Variants in SMUG1 observed in about 807,000 individuals in gnomAD.
SMUG1 encodes the protein single-strand-selective monofunctional uracil-DNA glycosylase 1.
A neutral mutation model predicts 23.9 loss-of-function variants in SMUG1; 13 were observed. That is an observed-to-expected ratio of 0.54 (90% CI 0.35 to 0.86). The LOEUF is 0.86. Ranked by LOEUF, SMUG1 falls within the 40% of genes least tolerant of loss-of-function variation. The pLI is 0.01. For missense variants in SMUG1, 313 were observed against 339.5 expected, an observed-to-expected ratio of 0.92 and a Z score of 0.61; for synonymous variants, 133 against 139.8, an observed-to-expected ratio of 0.95 and a Z score of 0.34.
chr12:54,182,235 A>T lies in SMUG1; in HGVS notation c.674T>A (p.Leu225Gln), dbSNP rs1477719330. 2 of 1,612,116 alleles carry T rather than the reference A, an allele frequency of 1.2e-6. No homozygotes were observed. The highest frequency in any genetic ancestry group is 1.7e-5 in the Admixed American group (1 of 59,884). The stretch of plus-strand genomic sequence containing the variant: ...CTGGACCTCTGGCATCAGGCCTGCC[A>T]GAGCCCGTCGTGCCCGCTGCTCTGC... ...RLAEQRARRA[L>Q]AGLMPEVQVE... The change falls in exon 4 of 4, where the codon CTG becomes CAG. Residue 225 changes from leucine (L) to glutamine (Q), a missense_variant. Coordinates refer to ENST00000682136, the MANE Select transcript of SMUG1 (RefSeq NM_001243787.2).
intron 3 of SMUG1, among the ~76,000 whole-genome samples, chr12:54,167,428 A>C (rs527362180): frequency 2.9e-4 from 44 of 152,276 alleles, no homozygotes; most frequent in Non-Finnish European, 5.1e-4. Context: ...CCACTCTTTC[A>C]ATTTCAAAGC....
chr12:54,175,570 G>A (rs536689003), downstream of SMUG1, among the ~76,000 whole-genome samples: 78 of 152,262 alleles, frequency 5.1e-4, no homozygotes, highest in Non-Finnish European at 8.4e-4. Context: ...CCCAGTCTCC[G>A]CCCTCTCTCA....
In SMUG1 at chr12:54,185,505, T is replaced by A. The variant is rs373167024; in HGVS notation, c.-19-1546A>T. Among the ~76,000 whole-genome samples the A allele has an allele frequency of 7.0e-3, 308 of 43,796 alleles. 94 individuals are homozygous for A. Among genetic ancestry groups the A allele is most frequent in the East Asian group, 0.034 (56 of 1,626 alleles). 28.7% of individuals were successfully genotyped at this position (43,796 alleles called of 152,430 possible). A position where few individuals can be genotyped will look rare whatever the true frequency, so the allele number is the denominator to read the frequency against. ...AATAAAAAATAAATAAATAAATAAA[T>A]AAATAAATAAATAAATAAATAAATT... is the stretch of plus-strand genomic sequence containing the variant. On this transcript the variant is annotated intron_variant, in intron 2 of 3. Coordinates refer to ENST00000682136, the MANE Select transcript of SMUG1 (RefSeq NM_001243787.2).
At position 54,168,987 on chromosome 12, in the gene SMUG1, G is replaced by A. The variant is rs143533200; in HGVS notation, c.*52+3038C>T. ...TCAGAAGCATACTCAACCATGCTCA[G>A]CTCACTGACTTCCTCTAGGCTAGCA... On this transcript the variant is annotated intron_variant and NMD_transcript_variant, in intron 3 of 4. Transcript: ENST00000509864. Among the ~76,000 whole-genome samples, 572 of 152,286 alleles carry A rather than the reference G, an allele frequency of 3.8e-3. 3 individuals carry two copies. Among genetic ancestry groups the A allele is most frequent in the Middle Eastern group, 0.014 (4 of 294 alleles).
intron 2 of SMUG1, among the ~76,000 whole-genome samples, chr12:54,173,626 T>C (rs1940682071): frequency 6.6e-6 from 1 of 152,202 alleles, no homozygotes; most frequent in Non-Finnish European, 1.5e-5. Context: ...TTAAATGTTA[T>C]TTAATTGGAT....
At chr12:54,184,060 G>A (rs934705991) in intron 2 of SMUG1, 101 bp from the exon 3 acceptor site, 10 of 1,012,376 alleles carry the variant, frequency 9.9e-6, no homozygotes, top group Middle Eastern at 3.2e-4. Flanking sequence ...GGGCTCAGAA[G>A]GGACCCTAAG....
chr12:54,172,125 G>A, intron 2 of SMUG1: 2 of 453,366 alleles, frequency 4.4e-6, no homozygotes, highest in South Asian at 1.6e-5. Flanking sequence ...AAAAGACAAG[G>A]CAGATCATGT....
At chr12:54,185,508 ATAAATAAATAAATAAAT>A (rs551999707) in intron 2 of SMUG1, among the ~76,000 whole-genome samples, 5,906 of 94,144 alleles carry the variant, frequency 0.063, 1,729 homozygotes, top group Non-Finnish European at 0.095. Context: ...AAATAAATAA[ATAAATAAATAAATAAAT>A]AAATTTGCCG....
intron 3 of SMUG1, chr12:54,183,058 T>C (rs1202973745): frequency 4.7e-5 from 9 of 191,928 alleles, no homozygotes; most frequent in African/African-American, 1.2e-4. Context: ...TCGATCATCA[T>C]TGATCACCTT....
rs568811737 is a variant in SMUG1 at position 54,180,484 on chromosome 12, T to C, written c.*1612A>G. On this transcript the variant is annotated 3_prime_UTR_variant, in exon 4 of 4. Coordinates refer to ENST00000682136, the MANE Select transcript of SMUG1 (RefSeq NM_001243787.2). ...GTCCCAGGAGATAGGAAGTAGACCA[T>C]GTGTTCCTCATTAAGGTGGTCTCAA... The C allele has an allele frequency of 5.3e-5, 8 of 152,308 alleles. No homozygotes were observed. The highest frequency in any genetic ancestry group is 1.9e-4 in the African/African-American group (8 of 41,566). 9.4% of individuals were successfully genotyped at this position (152,308 alleles called of 1,614,324 possible). A position where few individuals can be genotyped will look rare whatever the true frequency, so the allele number is the denominator to read the frequency against.
chr12:54,185,815 AAAAC>A (rs777916749), intron 2 of SMUG1, among the ~76,000 whole-genome samples: 6 of 152,074 alleles, frequency 3.9e-5, no homozygotes, highest in Non-Finnish European at 7.4e-5. Flanking sequence ...AGACTGTCTC[AAAAC>A]AAACAAACAG....
chr12:54,164,196 G>C (rs1045997191), downstream of SMUG1, among the ~76,000 whole-genome samples: 1 of 151,862 alleles, frequency 6.6e-6, no homozygotes, highest in Non-Finnish European at 1.5e-5. Context: ...GAACTGGGGA[G>C]AGAGACAGAG....
downstream of SMUG1, among the ~76,000 whole-genome samples, chr12:54,178,154 C>G (rs754059263): frequency 6.6e-6 from 1 of 152,180 alleles, no homozygotes; most frequent in Non-Finnish European, 1.5e-5. Flanking sequence ...CCATCTTGAT[C>G]CTGGACTTAA....
At chr12:54,161,878 G>A (rs1319948888), downstream of SMUG1, among the ~76,000 whole-genome samples, 1 of 152,218 alleles carries the variant, frequency 6.6e-6, no homozygotes, top group Non-Finnish European at 1.5e-5. This position sits in a 1 kb window ranked among gnomAD's most constrained non-coding sequence, Gnocchi z 4.2. Context: ...CAGTGGTAGG[G>A]GGAGGGGGAC....
downstream of SMUG1, chr12:54,164,669 G>C (rs1309808012): frequency 1.3e-5 from 2 of 152,286 alleles, no homozygotes; most frequent in East Asian, 3.9e-4. Context: ...CTGTTCACCA[G>C]GGGGTGAGGA....
At position 54,181,427 on chromosome 12, in the gene SMUG1, C is replaced by A. The variant is rs1057118474; in HGVS notation, c.*669G>T. The stretch of plus-strand genomic sequence containing the variant: ...AGTGTGATCTCAGTTAATCCTCACA[C>A]CAACCCCATAAGGTAGGCATCCCTG... On this transcript the variant is annotated 3_prime_UTR_variant, in exon 4 of 4. Coordinates refer to ENST00000682136, the MANE Select transcript of SMUG1 (RefSeq NM_001243787.2). The A allele has an allele frequency of 7.0e-6, 6 of 860,208 alleles. No homozygotes were observed. The highest frequency in any genetic ancestry group is 1.1e-5 in the Non-Finnish European group (6 of 549,366). The allele number at this position is 860,208 out of a possible 1,614,324, so 53.3% of individuals were successfully genotyped here.
chr12:54,188,192 G>A (rs1357655687), intron 1 of SMUG1, among the ~76,000 whole-genome samples: 1 of 151,052 alleles, frequency 6.6e-6, no homozygotes, highest in East Asian at 1.9e-4. Context: ...GGAAGGAATC[G>A]AAATCACATA....
intron 1 of SMUG1, among the ~76,000 whole-genome samples, chr12:54,188,311 AATAAT>A: frequency 1.3e-5 from 1 of 76,866 alleles, no homozygotes; most frequent in African/African-American, 4.4e-5. Flanking sequence ...TAATAATAAT[AATAAT>A]AATAATAATA....
intron 2 of SMUG1, chr12:54,172,714 C>T (rs1486778761): frequency 6.5e-6 from 1 of 153,990 alleles, no homozygotes; most frequent in East Asian, 1.9e-4. Context: ...CTCCCCTGAC[C>T]CCGAATGTGG....
Sources: allele counts gnomAD v4.1 joint callset (sites outside exome capture counted in the v4.1 genomes callset), GRCh38; gene constraint gnomAD v4.1.1; non-coding constraint Gnocchi (gnomAD v3.1); transcripts MANE v1.5; gene names NCBI Gene and HGNC (gene_info 2026-07-23, HGNC 2026-07-21).